The following NFIB variants were observed in gnomAD, a reference collection of about 807,000 sequenced individuals.
NFIB encodes the protein nuclear factor I B, also known as nuclear factor 1 B-type.
Under a neutral mutation model 61.5 loss-of-function variants are expected in NFIB, and 11 were observed. The ratio of observed to expected loss-of-function variants is 0.18; its 90% CI spans 0.11 to 0.30. NFIB has a LOEUF of 0.30. Among genes scored for constraint, NFIB ranks in the 10% least tolerant of loss-of-function variants. The pLI, the probability that NFIB is intolerant of heterozygous loss-of-function variation, is 1.00. For synonymous variants in NFIB, 260 were observed against 216.5 expected, an observed-to-expected ratio of 1.20 and a Z score of -1.76; for missense variants, 471 against 608.9, an observed-to-expected ratio of 0.77 and a Z score of 2.38.
At chr9:14,505,882 C>G in the NFIB span, among the ~76,000 whole-genome samples, 4 of 152,060 alleles carry the variant, frequency 2.6e-5, no homozygotes, top group African/African-American at 7.2e-5. Context: ...TGACTGAAAA[C>G]CATTTGTGAC....
At chr9:14,129,626 C>CA (rs955004487) in intron 6 of NFIB, among the ~76,000 whole-genome samples, 36 of 151,372 alleles carry the variant, frequency 2.4e-4, no homozygotes, top group African/African-American at 7.5e-4. Flanking sequence ...TCATATGCTA[C>CA]AAAAAAAAGT....
rs181782994 is a variant in NFIB at position 14,210,870 on chromosome 9, G to A, written c.563-31090C>T. On this transcript the variant is annotated intron_variant, in intron 2 of 10. Transcript: ENST00000380953. ...ATTTCATTTGTGTCAGTGCTAATAT[G>A]TATCAAAATAGCCGCATCTCTTGTA... 5.9e-3 allele frequency among the ~76,000 whole-genome samples: 894 copies of A among 152,234 alleles called. 4 individuals are homozygous for A. Among genetic ancestry groups the A allele is most frequent in the South Asian group, 0.018 (89 of 4,822 alleles).
intron 9 of NFIB, among the ~76,000 whole-genome samples, chr9:14,114,462 T>C (rs2037837167): frequency 1.3e-5 from 2 of 152,200 alleles, no homozygotes; most frequent in Admixed American, 6.5e-5. Flanking sequence ...CAGTTTTTTA[T>C]TACTGGTGGT....
intron 1 of NFIB, among the ~76,000 whole-genome samples, chr9:14,391,649 T>G (rs1232259687): frequency 2.0e-5 from 3 of 152,056 alleles, no homozygotes; most frequent in Non-Finnish European, 4.4e-5. Context: ...GTAAACACAC[T>G]GTGCATGTGG....
chr9:14,177,637 C>T (rs1220761584), intron 3 of NFIB, among the ~76,000 whole-genome samples: 1 of 151,856 alleles, frequency 6.6e-6, no homozygotes, highest in Non-Finnish European at 1.5e-5. Flanking sequence ...CATTCTGGCT[C>T]TAAAAAAATA....
chr9:14,343,111 A>G (rs573844699), intron 1 of NFIB, among the ~76,000 whole-genome samples: 1 of 152,296 alleles, frequency 6.6e-6, no homozygotes, highest in South Asian at 2.1e-4. Context: ...GTACCACCTG[A>G]CTGTGGGAAT....
At chr9:14,187,154 T>C (rs188084946) in intron 2 of NFIB, among the ~76,000 whole-genome samples, 1 of 150,548 alleles carries the variant, frequency 6.6e-6, no homozygotes, top group Admixed American at 6.6e-5. Context: ...TTATTTGGAG[T>C]CCACTTCACT....
At chr9:14,169,213 C>CATA (rs2045280765) in intron 3 of NFIB, among the ~76,000 whole-genome samples, 1 of 152,098 alleles carries the variant, frequency 6.6e-6, no homozygotes, top group South Asian at 2.1e-4. Context: ...ATGACATTAA[C>CATA]AAGTGGAAGT....
chr9:14,350,362 G>A (rs897603449), intron 1 of NFIB, among the ~76,000 whole-genome samples: 1 of 152,236 alleles, frequency 6.6e-6, no homozygotes, highest in Non-Finnish European at 1.5e-5. Flanking sequence ...TTCACAGAAT[G>A]CAGATTTTGT....
chr9:14,471,431 G>C, the NFIB span, among the ~76,000 whole-genome samples: 1 of 152,204 alleles, frequency 6.6e-6, no homozygotes, highest in Non-Finnish European at 1.5e-5. Flanking sequence ...CAGAAGCGTT[G>C]CCATCATATG....
At chr9:14,155,211 G>A (rs1039162831) in intron 4 of NFIB, among the ~76,000 whole-genome samples, 3 of 152,094 alleles carry the variant, frequency 2.0e-5, no homozygotes, top group Non-Finnish European at 2.9e-5. Context: ...TCAAGGTAAC[G>A]TCCCCTTTGC....
chr9:14,134,341 T>G (rs2040752476), intron 6 of NFIB, among the ~76,000 whole-genome samples: 1 of 152,144 alleles, frequency 6.6e-6, no homozygotes, highest in Non-Finnish European at 1.5e-5. Context: ...ACAGTAGGAA[T>G]GTATTTATTC....
the NFIB span, among the ~76,000 whole-genome samples, chr9:14,425,903 AC>A: frequency 6.6e-6 from 1 of 152,126 alleles, no homozygotes; most frequent in Non-Finnish European, 1.5e-5. Flanking sequence ...TCTAGGGGGA[AC>A]CTCACCTATG....
At position 14,085,511 on chromosome 9, in the gene NFIB, C is replaced by T. The variant is rs1471997273; in HGVS notation, c.*2798G>A. 1 of 220,726 alleles carries T rather than the reference C, an allele frequency of 4.5e-6. No individual in the cohort carries two copies. Among genetic ancestry groups the T allele is most frequent in the Non-Finnish European group, 9.1e-6 (1 of 110,368 alleles). The allele number at this position is 220,726 out of a possible 1,614,324, so 13.7% of individuals were successfully genotyped here. A position where few individuals can be genotyped will look rare whatever the true frequency, so the allele number is the denominator to read the frequency against. Reference sequence around the variant, plus strand: ...CCATCAGCATCTAATGGGTTTAATTCATCCACAGGAAGATTAATTGCTTAA... The same window carrying T: ...CCATCAGCATCTAATGGGTTTAATTTATCCACAGGAAGATTAATTGCTTAA... On this transcript the variant is annotated 3_prime_UTR_variant, in exon 11 of 11. Coordinates refer to ENST00000380953, the MANE Select transcript of NFIB (RefSeq NM_001190737.2).
At chr9:14,102,933 C>G (rs564593274) in intron 10 of NFIB, among the ~76,000 whole-genome samples, 1 of 152,226 alleles carries the variant, frequency 6.6e-6, no homozygotes, top group East Asian at 1.9e-4. Flanking sequence ...ATGCAGTTTG[C>G]AAAACACAGA....
upstream of NFIB, chr9:14,314,577 G>C (rs563482244): frequency 6.6e-6 from 1 of 151,244 alleles, no homozygotes; most frequent in Non-Finnish European, 1.5e-5. Context: ...TCTGGACCCC[G>C]CTCGAGCTCT....
chr9:14,440,487 C>T, the NFIB span, among the ~76,000 whole-genome samples: 1 of 152,166 alleles, frequency 6.6e-6, no homozygotes, highest in Non-Finnish European at 1.5e-5. Context: ...TACACAGGGT[C>T]TATGTCCAAT....
At chr9:14,219,380 G>GAAAAAAAAAA (rs1563914477) in intron 2 of NFIB, among the ~76,000 whole-genome samples, 1 of 9,746 alleles carries the variant, frequency 1.0e-4, no homozygotes, top group Non-Finnish European at 1.6e-4. Context: ...TAGCACTAGG[G>GAAAAAAAAAA]TAAAAAAAAA....
chr9:14,506,957 CTG>C, the NFIB span, among the ~76,000 whole-genome samples: 1 of 152,156 alleles, frequency 6.6e-6, no homozygotes, highest in African/African-American at 2.4e-5. Context: ...TAAATACAGA[CTG>C]TGGGTATTTT....
Sources: allele counts gnomAD v4.1 joint callset (sites outside exome capture counted in the v4.1 genomes callset), GRCh38; gene constraint gnomAD v4.1.1; transcripts MANE v1.5; gene names NCBI Gene and HGNC (gene_info 2026-07-23, HGNC 2026-07-21).